The following RELCH variants were observed in gnomAD, a reference collection of about 807,000 sequenced individuals.
RELCH encodes RAB11-binding protein RELCH.
RELCH carries 41 observed loss-of-function variants against 150.3 expected under a neutral mutation model. The ratio of observed to expected loss-of-function variants is 0.27; its 90% confidence interval spans 0.21 to 0.35. RELCH has a LOEUF of 0.35. Among genes scored for constraint, RELCH ranks in the 10% least tolerant of loss-of-function variants. The pLI is 1.00. For missense variants in RELCH, 1,092 were observed against 1,467.8 expected, an observed-to-expected ratio of 0.74 and a Z score of 4.18; for synonymous variants, 478 against 531.8, an observed-to-expected ratio of 0.90 and a Z score of 1.39.
At chr18:62,219,520 A>G (rs2040713264) in intron 2 of RELCH, among the ~76,000 whole-genome samples, 1 of 150,950 alleles carries the variant, frequency 6.6e-6, no homozygotes, top group Non-Finnish European at 1.5e-5. Context: ...AAAAAAGTAA[A>G]CCAACATGCT....
At chr18:62,257,479 G>A (rs2043045445) in intron 13 of RELCH, among the ~76,000 whole-genome samples, 2 of 151,832 alleles carry the variant, frequency 1.3e-5, no homozygotes. Flanking sequence ...AGAGATTTTT[G>A]TAGTTCCTCC....
At chr18:62,252,075 A>C (rs1156759492) in intron 11 of RELCH, among the ~76,000 whole-genome samples, 2 of 151,682 alleles carry the variant, frequency 1.3e-5, no homozygotes, top group Non-Finnish European at 2.9e-5. Flanking sequence ...GGCTCACCGC[A>C]ACCTCCGCTT....
At chr18:62,271,338 G>C (rs1851045468) in intron 20 of RELCH, among the ~76,000 whole-genome samples, 1 of 152,148 alleles carries the variant, frequency 6.6e-6, no homozygotes, top group Admixed American at 6.5e-5. Context: ...TTCTCTGATG[G>C]CCAGTGATGA....
intron 22 of RELCH, among the ~76,000 whole-genome samples, chr18:62,275,816 G>A (rs968226716): frequency 1.6e-4 from 24 of 151,926 alleles, no homozygotes; most frequent in Non-Finnish European, 2.8e-4. Flanking sequence ...AAACAACATA[G>A]GATATCTTTC....
intron 28 of RELCH, among the ~76,000 whole-genome samples, chr18:62,303,509 A>G (rs1413944490): frequency 1.3e-5 from 2 of 152,162 alleles, no homozygotes; most frequent in South Asian, 4.1e-4. Context: ...TGGTATCTCA[A>G]CTATGGTCTG....
At position 62,240,954 on chromosome 18, in the gene RELCH, G is replaced by A. The variant is rs533985682; in HGVS notation, c.1621-3810G>A. 1.2e-3 allele frequency among the ~76,000 whole-genome samples: 185 copies of A among 152,134 alleles called. 1 individual carries two copies. The highest frequency in any genetic ancestry group is 2.1e-3 in the Non-Finnish European group (140 of 67,966). ...GAAAGCAAAAAAAGAAAGTGGATAA[G>A]CTGTAAGTCTGCCTTTCTTTATGGT... On this transcript the variant is annotated intron_variant, in intron 10 of 28. Coordinates refer to ENST00000644646, the MANE Select transcript of RELCH (RefSeq NM_001346231.2).
chr18:62,225,054 C>T (rs145574910), intron 5 of RELCH, among the ~76,000 whole-genome samples: 2 of 152,158 alleles, frequency 1.3e-5, no homozygotes, highest in East Asian at 1.9e-4. Flanking sequence ...AGATGGACTT[C>T]CACATAGATG....
intron 10 of RELCH, among the ~76,000 whole-genome samples, chr18:62,236,011 A>T (rs1053603507): frequency 6.6e-6 from 1 of 151,996 alleles, no homozygotes; most frequent in African/African-American, 2.4e-5. Context: ...GTTTTGAGAA[A>T]GCAATATCCT....
chr18:62,236,910 CT>C (rs2148460996), intron 10 of RELCH, among the ~76,000 whole-genome samples: 2 of 151,510 alleles, frequency 1.3e-5, no homozygotes, highest in African/African-American at 4.8e-5. Context: ...GACTTGAGAT[CT>C]TTTTTAATGT....
chr18:62,242,694 T>C (rs1467243193), intron 10 of RELCH, among the ~76,000 whole-genome samples: 3 of 152,044 alleles, frequency 2.0e-5, no homozygotes. Context: ...GACATAAACT[T>C]CCTCCTTGAT....
intron 19 of RELCH, 100 bp from the exon 20 acceptor site, chr18:62,268,769 C>G (rs2043727447): frequency 1.8e-6 from 1 of 559,194 alleles, no homozygotes; most frequent in African/African-American, 2.0e-5. Context: ...TTACTTGTAA[C>G]CTAGTAAACA....
intron 10 of RELCH, among the ~76,000 whole-genome samples, chr18:62,243,015 C>T (rs1296884883): frequency 1.3e-5 from 2 of 152,022 alleles, no homozygotes; most frequent in African/African-American, 4.8e-5. Context: ...AGACAAAGTA[C>T]AAATAAAATT....
At chr18:62,194,121 G>T (rs2038851032) in intron 1 of RELCH, among the ~76,000 whole-genome samples, 1 of 152,090 alleles carries the variant, frequency 6.6e-6, no homozygotes, top group African/African-American at 2.4e-5. Flanking sequence ...GGTGGCCTAT[G>T]CCTGTGGTCC....
At chr18:62,221,588 T>TTA (rs949560974) in intron 5 of RELCH, 91 bp downstream of exon 5, 7 of 539,526 alleles carry the variant, frequency 1.3e-5, no homozygotes, top group Non-Finnish European at 2.2e-5. Context: ...TTTTTTTAAG[T>TTA]TATATATATA....
chr18:62,204,070 A>G (rs1052378093), intron 1 of RELCH, among the ~76,000 whole-genome samples: 4 of 152,152 alleles, frequency 2.6e-5, no homozygotes, highest in African/African-American at 7.2e-5. Context: ...GGAAAATTCA[A>G]AAAACAATAT....
chr18:62,295,555 C>G (rs1191876774), intron 27 of RELCH, among the ~76,000 whole-genome samples: 6 of 151,462 alleles, frequency 4.0e-5, no homozygotes, highest in Non-Finnish European at 8.8e-5. Flanking sequence ...TTCTTCTTTT[C>G]TGATATATGA....
intron 15 of RELCH, among the ~76,000 whole-genome samples, chr18:62,260,641 A>G (rs1231777539): frequency 7.3e-6 from 1 of 136,564 alleles, no homozygotes; most frequent in East Asian, 3.0e-4. Flanking sequence ...AGCACTATTC[A>G]TAATAGTCAG....
At chr18:62,280,797 T>C in intron 24 of RELCH, 88 bp downstream of exon 24, 2 of 880,680 alleles carry the variant, frequency 2.3e-6, no homozygotes, top group Non-Finnish European at 3.7e-6. Flanking sequence ...GGGAGCATCT[T>C]ACCTTTTATT....
rs912365652 is a variant in RELCH at position 62,263,837 on chromosome 18, CTTAA to C, written c.2351-148_2351-145del. ...AATTTCTTGATTTTCCTAAAAATGA[CTTAA>C]TTAGTGTATTTCAATTTTATATTTA... On this transcript the variant is annotated intron_variant, in intron 16 of 28. Coordinates refer to ENST00000644646, the MANE Select transcript of RELCH (RefSeq NM_001346231.2). 1.1e-4 allele frequency: 57 copies of C among 532,976 alleles called. 1 individual carries two copies. The highest frequency in any genetic ancestry group is 2.6e-4 in the African/African-American group (13 of 49,642). 33.0% of individuals were successfully genotyped at this position (532,976 alleles called of 1,614,324 possible).
Sources: allele counts gnomAD v4.1 joint callset (sites outside exome capture counted in the v4.1 genomes callset), GRCh38; gene constraint gnomAD v4.1.1; transcripts MANE v1.5; gene names NCBI Gene and HGNC (gene_info 2026-07-23, HGNC 2026-07-21).